The following GTF2IRD1 variants were observed in gnomAD, a reference collection of about 807,000 sequenced individuals.
The protein encoded by GTF2IRD1 is GTF2I repeat domain containing 1, also known as general transcription factor II-I repeat domain-containing protein 1.
In GTF2IRD1, 26 loss-of-function variants were observed where a neutral mutation model predicts 113.2. The observed-to-expected ratio is 0.23, with a 90% CI of 0.17 to 0.32. GTF2IRD1 has a LOEUF of 0.32. Among genes scored for constraint, GTF2IRD1 ranks in the 10% least tolerant of loss-of-function variants. The pLI is 1.00. For synonymous variants in GTF2IRD1, 484 were observed against 529.1 expected (o/e 0.91, Z 1.17); for missense variants, 864 against 1,280.8 (o/e 0.67, Z 4.97).
At chr7:74,521,498 A>G (rs1313700571) in intron 7 of GTF2IRD1, among the ~76,000 whole-genome samples, 1 of 152,174 alleles carries the variant, frequency 6.6e-6, no homozygotes, top group Non-Finnish European at 1.5e-5. Flanking sequence ...ATGGTGTCTC[A>G]TGCCTGTAAT....
At chr7:74,476,953 A>G (rs1327800464) in intron 1 of GTF2IRD1, among the ~76,000 whole-genome samples, 4 of 152,190 alleles carry the variant, frequency 2.6e-5, no homozygotes, top group African/African-American at 9.7e-5. Context: ...CACAGCATCT[A>G]AAAGACGGGA....
intron 1 of GTF2IRD1, among the ~76,000 whole-genome samples, chr7:74,493,401 G>A (rs560693005): frequency 7.9e-5 from 12 of 151,846 alleles, no homozygotes; most frequent in African/African-American, 2.7e-4. Flanking sequence ...ATGAGCTACC[G>A]CGCCCGGCCA....
At chr7:74,459,213 ACTT>A (rs1554328345) in intron 1 of GTF2IRD1, among the ~76,000 whole-genome samples, 13 of 152,104 alleles carry the variant, frequency 8.5e-5, no homozygotes, top group Admixed American at 6.6e-4. Context: ...AGCACTTTGC[ACTT>A]CGGGAGACCG....
intron 4 of GTF2IRD1, among the ~76,000 whole-genome samples, chr7:74,516,000 C>G (rs1480877953): frequency 6.6e-6 from 1 of 152,230 alleles, no homozygotes; most frequent in Non-Finnish European, 1.5e-5. Flanking sequence ...TCACCCTGAG[C>G]ATGGCACAGG....
At chr7:74,556,505 A>G (rs1322854219) in intron 19 of GTF2IRD1, among the ~76,000 whole-genome samples, 1 of 149,234 alleles carries the variant, frequency 6.7e-6, no homozygotes, top group Non-Finnish European at 1.5e-5. Context: ...ATTTTTTAGT[A>G]GAGACGGGGT....
At chr7:74,502,060 T>A (rs1406272502) in intron 1 of GTF2IRD1, among the ~76,000 whole-genome samples, 2 of 152,120 alleles carry the variant, frequency 1.3e-5, no homozygotes, top group African/African-American at 4.8e-5. Flanking sequence ...GATCCTCCCG[T>A]CTCAGCCTCC....
intron 24 of GTF2IRD1, among the ~76,000 whole-genome samples, chr7:74,592,084 T>A (rs1417279947): frequency 6.6e-6 from 1 of 151,860 alleles, no homozygotes; most frequent in Non-Finnish European, 1.5e-5. Context: ...ATTTTTAAAT[T>A]ATTATTTTAT....
chr7:74,489,823 C>T (rs2117209136), intron 1 of GTF2IRD1, among the ~76,000 whole-genome samples: 1 of 152,290 alleles, frequency 6.6e-6, no homozygotes, highest in South Asian at 2.1e-4. Context: ...GCCCAGCTGC[C>T]CCAAGCACTG....
At chr7:74,480,501 C>G (rs980340370) in intron 1 of GTF2IRD1, among the ~76,000 whole-genome samples, 2 of 152,230 alleles carry the variant, frequency 1.3e-5, no homozygotes, top group Admixed American at 1.3e-4. Flanking sequence ...GCTGACAGCC[C>G]GGAGATTAGT....
intron 22 of GTF2IRD1, among the ~76,000 whole-genome samples, chr7:74,574,455 ATTTT>A (rs369245593): frequency 1.6e-5 from 2 of 128,216 alleles, no homozygotes; most frequent in Admixed American, 8.1e-5. Context: ...AGATACTGGA[ATTTT>A]TTTTTTTTTT....
rs782574348 is a variant in GTF2IRD1, at chr7:74,538,676, G to T, written c.1448-4G>T. The T allele has an allele frequency of 6.4e-7, 1 of 1,564,668 alleles. No individual in the cohort carries two copies. Among genetic ancestry groups the T allele is most frequent in the Non-Finnish European group, 8.8e-7 (1 of 1,135,138 alleles). On this transcript the variant is annotated splice_region_variant and splice_polypyrimidine_tract_variant and intron_variant, in intron 12 of 26. Coordinates refer to ENST00000424337, the MANE Select transcript of GTF2IRD1 (RefSeq NM_005685.4). Reference sequence around the variant, plus strand: ...TGACAGGATTCTTCCTTTCCTCCTTGCAGGAACCTCCGGGGAGCTGGGCGG... The same window carrying T: ...TGACAGGATTCTTCCTTTCCTCCTTTCAGGAACCTCCGGGGAGCTGGGCGG...
chr7:74,484,633 A>G (rs1163185467), intron 1 of GTF2IRD1, among the ~76,000 whole-genome samples: 1 of 151,512 alleles, frequency 6.6e-6, no homozygotes, highest in Non-Finnish European at 1.5e-5. Flanking sequence ...TAATTTTTGT[A>G]TTTTTAGTAG....
intron 9 of GTF2IRD1, among the ~76,000 whole-genome samples, chr7:74,531,830 G>A (rs1465723431): frequency 6.6e-6 from 1 of 152,076 alleles, no homozygotes; most frequent in Non-Finnish European, 1.5e-5. Flanking sequence ...CAAGGCCTGA[G>A]GGTCTTGTTA....
At chr7:74,499,442 G>A (rs1554338885) in intron 1 of GTF2IRD1, among the ~76,000 whole-genome samples, 1 of 151,218 alleles carries the variant, frequency 6.6e-6, no homozygotes, top group Non-Finnish European at 1.5e-5. Context: ...GTGGGGGAGG[G>A]AGAGAGAGAA....
At chr7:74,510,154 C>T (rs782208349) in intron 2 of GTF2IRD1, among the ~76,000 whole-genome samples, 11 of 152,202 alleles carry the variant, frequency 7.2e-5, no homozygotes, top group South Asian at 2.1e-4. Flanking sequence ...ATGATGACCC[C>T]TCCCCTATGC....
At chr7:74,503,705 C>T (rs909735497) in intron 1 of GTF2IRD1, among the ~76,000 whole-genome samples, 8 of 152,218 alleles carry the variant, frequency 5.3e-5, no homozygotes, top group African/African-American at 1.9e-4. Context: ...GCCGAGATCA[C>T]ACCACTGTAC....
chr7:74,542,551 CA>C (rs1379017580), intron 14 of GTF2IRD1, among the ~76,000 whole-genome samples: 2 of 152,178 alleles, frequency 1.3e-5, no homozygotes, highest in East Asian at 3.8e-4. Flanking sequence ...CAGTGTTAGG[CA>C]AAATGATTTG....
intron 1 of GTF2IRD1, among the ~76,000 whole-genome samples, chr7:74,479,175 C>T (rs551143162): frequency 2.4e-4 from 36 of 152,302 alleles, no homozygotes; most frequent in African/African-American, 6.7e-4. Flanking sequence ...GTTCCTCCGC[C>T]GTAGCTTCCT....
intron 19 of GTF2IRD1, among the ~76,000 whole-genome samples, chr7:74,557,098 T>C (rs1554357214): frequency 6.6e-6 from 1 of 152,066 alleles, no homozygotes; most frequent in African/African-American, 2.4e-5. Context: ...AAAAAGAAAT[T>C]AGCCAGGTGC....
Sources: allele counts gnomAD v4.1 joint callset (sites outside exome capture counted in the v4.1 genomes callset), GRCh38; gene constraint gnomAD v4.1.1; transcripts MANE v1.5; gene names NCBI Gene and HGNC (gene_info 2026-07-23, HGNC 2026-07-21).